ADGRL3: variants seen among roughly 807,000 people sequenced by gnomAD.
The protein encoded by ADGRL3 is calcium-independent alpha-latrotoxin receptor 3.
In ADGRL3, 62 loss-of-function variants were observed where a neutral mutation model predicts 153.5. That is an observed-to-expected ratio of 0.40 (90% CI 0.33 to 0.50). ADGRL3 has a LOEUF of 0.50. Among genes scored for constraint, ADGRL3 ranks in the 20% least tolerant of loss-of-function variants. ADGRL3 has a pLI of 0.47. For synonymous variants in ADGRL3, 710 were observed against 672.5 expected (o/e 1.06, Z -0.86); for missense variants, 1,641 against 1,859.4 (o/e 0.88, Z 2.16).
chr4:61,517,524 G>A lies in ADGRL3; in HGVS notation c.259+6G>A. Reference sequence around the variant, plus strand: ...AGCACAGATTGCAGCGCAAGGTGCGGCCAGCGGTGGGGAGAGAGGGCTGGG... The same window carrying A: ...AGCACAGATTGCAGCGCAAGGTGCGACCAGCGGTGGGGAGAGAGGGCTGGG... On this transcript the variant is annotated splice_donor_region_variant and intron_variant, in intron 4 of 26. Coordinates refer to ENST00000683033, the MANE Select transcript of ADGRL3 (RefSeq NM_001387552.1). 1 of 704,282 alleles carries A rather than the reference G, an allele frequency of 1.4e-6. No homozygotes were observed. Among genetic ancestry groups the A allele is most frequent in the Non-Finnish European group, 2.6e-6 (1 of 387,490 alleles). The allele number at this position is 704,282 out of a possible 1,614,324, so 43.6% of individuals were successfully genotyped here. A position where few individuals can be genotyped will look rare whatever the true frequency, so the allele number is the denominator to read the frequency against.
chr4:61,525,848 GT>G (rs1199098897), intron 4 of ADGRL3, among the ~76,000 whole-genome samples: 4 of 152,052 alleles, frequency 2.6e-5, no homozygotes, highest in Non-Finnish European at 4.4e-5. Flanking sequence ...TAATGGTGAA[GT>G]TGGTCTTAGA....
intron 2 of ADGRL3, among the ~76,000 whole-genome samples, chr4:61,445,759 A>G (rs2097575165): frequency 6.6e-6 from 1 of 152,210 alleles, no homozygotes; most frequent in Non-Finnish European, 1.5e-5. Context: ...AACTACAGTC[A>G]TGCACCATAT....
At chr4:61,384,914 A>G (rs1012988079) in intron 2 of ADGRL3, among the ~76,000 whole-genome samples, 1 of 152,132 alleles carries the variant, frequency 6.6e-6, no homozygotes, top group Non-Finnish European at 1.5e-5. Flanking sequence ...CAAGAGTGGA[A>G]TGAAAAGTAA....
Position 61,711,037 on chromosome 4 carries a change from A to G in ADGRL3, c.584-19585A>G, listed in dbSNP as rs115110033. On this transcript the variant is annotated intron_variant, in intron 6 of 26. Coordinates refer to ENST00000683033, the MANE Select transcript of ADGRL3 (RefSeq NM_001387552.1). ...GGCACATTTATAAAGGATTTGTAGC[A>G]CATTATAAATTATGTAGTTGTGGGG... Among the ~76,000 whole-genome samples the G allele has an allele frequency of 3.7e-3, 567 of 152,266 alleles. 6 individuals carry two copies. The highest frequency in any genetic ancestry group is 0.013 in the African/African-American group (542 of 41,558).
At chr4:61,438,917 C>T (rs2097491189) in intron 2 of ADGRL3, among the ~76,000 whole-genome samples, 1 of 151,910 alleles carries the variant, frequency 6.6e-6, no homozygotes, top group Non-Finnish European at 1.5e-5. Context: ...CCATTTTAGC[C>T]AGGATGGTCT....
At chr4:61,800,946 G>T (rs2097488356) in intron 8 of ADGRL3, among the ~76,000 whole-genome samples, 1 of 152,142 alleles carries the variant, frequency 6.6e-6, no homozygotes, top group African/African-American at 2.4e-5. Flanking sequence ...GCCAGTTTCA[G>T]TATTGATCTT....
intron 6 of ADGRL3, among the ~76,000 whole-genome samples, chr4:61,694,071 T>C (rs960970738): frequency 1.3e-5 from 2 of 151,896 alleles, no homozygotes; most frequent in African/African-American, 4.8e-5. Context: ...AAGATAGTAA[T>C]AATGACTTCA....
At chr4:61,305,116 C>T (rs1314218305) in intron 1 of ADGRL3, among the ~76,000 whole-genome samples, 1 of 151,670 alleles carries the variant, frequency 6.6e-6, no homozygotes, top group Non-Finnish European at 1.5e-5. Flanking sequence ...TTGCATAAAC[C>T]ATTTGCAGGA....
chr4:62,063,766 A>AC (rs1741479563), intron 25 of ADGRL3: 1 of 463,398 alleles, frequency 2.2e-6, no homozygotes, highest in Non-Finnish European at 3.8e-6. Flanking sequence ...TTCGCATTCC[A>AC]CCCCTCTTGG....
intron 5 of ADGRL3, among the ~76,000 whole-genome samples, chr4:61,667,039 A>T (rs940800839): frequency 6.6e-6 from 1 of 152,120 alleles, no homozygotes; most frequent in African/African-American, 2.4e-5. Context: ...TAAAAAGCAC[A>T]TTTCCATTTA....
At chr4:61,648,895 T>G (rs1179571178) in intron 5 of ADGRL3, among the ~76,000 whole-genome samples, 1 of 152,070 alleles carries the variant, frequency 6.6e-6, no homozygotes, top group Non-Finnish European at 1.5e-5. Flanking sequence ...AATTTAAAAT[T>G]GTTAGGGACA....
chr4:61,416,368 A>T (rs2097144838), intron 2 of ADGRL3, among the ~76,000 whole-genome samples: 1 of 150,500 alleles, frequency 6.6e-6, no homozygotes, highest in Non-Finnish European at 1.5e-5. Flanking sequence ...TCAAAAAGCA[A>T]TTGGACTGAC....
intron 25 of ADGRL3, among the ~76,000 whole-genome samples, chr4:62,053,293 C>A (rs1560558567): frequency 6.6e-6 from 1 of 151,336 alleles, no homozygotes; most frequent in Non-Finnish European, 1.5e-5. Context: ...TTGTAACAAC[C>A]AATAATTGGG....
intron 2 of ADGRL3, among the ~76,000 whole-genome samples, chr4:61,437,684 C>A (rs1383434804): frequency 6.6e-6 from 1 of 152,146 alleles, no homozygotes. Flanking sequence ...TGAATTAATT[C>A]TATCTACTTG....
intron 2 of ADGRL3, among the ~76,000 whole-genome samples, chr4:61,444,508 C>G (rs893012948): frequency 1.3e-5 from 2 of 152,122 alleles, no homozygotes; most frequent in Non-Finnish European, 2.9e-5. Context: ...AAGCTGACAA[C>G]TTTTGATGCA....
chr4:61,408,288 G>A (rs914878030), intron 2 of ADGRL3, among the ~76,000 whole-genome samples: 1 of 151,904 alleles, frequency 6.6e-6, no homozygotes, highest in African/African-American at 2.4e-5. Flanking sequence ...AATTCCAAAT[G>A]CATTGAGCTT....
At chr4:61,747,373 C>A (rs1200048643) in intron 8 of ADGRL3, among the ~76,000 whole-genome samples, 1 of 152,028 alleles carries the variant, frequency 6.6e-6, no homozygotes, top group Non-Finnish European at 1.5e-5. Flanking sequence ...CCAGCATCAT[C>A]CTGAACCAAA....
intron 5 of ADGRL3, among the ~76,000 whole-genome samples, chr4:61,662,366 C>T (rs2094625250): frequency 6.6e-6 from 1 of 152,232 alleles, no homozygotes; most frequent in Non-Finnish European, 1.5e-5. Flanking sequence ...AGTGTGTGTT[C>T]CCACCACCCT....
rs2096357308 is a variant in ADGRL3 at position 61,726,850 on chromosome 4, T to C, written c.584-3772T>C. Among the ~76,000 whole-genome samples, 3 of 152,162 alleles carry C rather than the reference T, an allele frequency of 2.0e-5. No individual in the cohort carries two copies. The South Asian group carries it at 6.2e-4, about 31-fold the overall frequency. ...ACAGAAATATGGGGGCATTATTGGATTGTAACATTCTGCATTGTAAATAGA... is the reference window on the plus strand; with the variant it reads ...ACAGAAATATGGGGGCATTATTGGACTGTAACATTCTGCATTGTAAATAGA... On this transcript the variant is annotated intron_variant, in intron 6 of 26. Coordinates refer to ENST00000683033, the MANE Select transcript of ADGRL3 (RefSeq NM_001387552.1).
Sources: allele counts gnomAD v4.1 joint callset (sites outside exome capture counted in the v4.1 genomes callset), GRCh38; gene constraint gnomAD v4.1.1; transcripts MANE v1.5; gene names NCBI Gene and HGNC (gene_info 2026-07-23, HGNC 2026-07-21).